Variants in GNA12 observed in about 807,000 individuals in gnomAD.
GNA12 encodes the protein guanine nucleotide-binding protein subunit alpha-12.
GNA12 carries 9 observed loss-of-function variants against 26.0 expected under a neutral mutation model. That is an observed-to-expected ratio of 0.35 (90% CI 0.21 to 0.60). The LOEUF is 0.60. Among genes scored for constraint, GNA12 ranks in the 20% least tolerant of loss-of-function variants. GNA12 has a pLI of 0.78. For missense variants in GNA12, 405 were observed against 525.8 expected (o/e 0.77, Z 2.25); for synonymous variants, 264 against 219.6 (o/e 1.20, Z -1.79).
chr7:2,740,758 T>C (rs17150393), intron 2 of GNA12, among the ~76,000 whole-genome samples: 3,905 of 152,220 alleles, frequency 0.026, 125 homozygotes, highest in Middle Eastern at 0.075. Context: ...AAACTACAGA[T>C]TTAGGGCTCG....
At chr7:2,835,663 G>C in intron 1 of GNA12, 1 of 957,750 alleles carries the variant, frequency 1.0e-6, no homozygotes, top group Non-Finnish European at 1.7e-6. Context: ...AGATGTCAAT[G>C]TTACTTTCGA....
intron 2 of GNA12, among the ~76,000 whole-genome samples, chr7:2,767,826 G>A (rs1012950472): frequency 3.3e-5 from 5 of 152,194 alleles, no homozygotes; most frequent in Non-Finnish European, 7.3e-5. Flanking sequence ...ATTTGTGTGT[G>A]TGAACAGTTG....
At position 2,731,828 on chromosome 7, in the gene GNA12, A is replaced by G. The variant is rs1789912054; in HGVS notation, c.577-78T>C. The G allele has an allele frequency of 2.7e-6, 2 of 753,054 alleles. No individual in the cohort carries two copies. The highest frequency in any genetic ancestry group is 4.0e-6 in the Non-Finnish European group (2 of 496,028). 46.6% of individuals were successfully genotyped at this position (753,054 alleles called of 1,614,324 possible). ...AAAATAGAAACAAAAAGATGGCAAA[A>G]AGATAAGAAGGAAAGAGACTGACTT... On this transcript the variant is annotated intron_variant, in intron 3 of 3. Transcript: ENST00000275364. This position sits in a 1 kb window ranked among gnomAD's most constrained non-coding sequence, Gnocchi z 6.0.
At chr7:2,843,768 G>T in intron 1 of GNA12, 85 bp downstream of exon 1, 3 of 635,350 alleles carry the variant, frequency 4.7e-6, no homozygotes, top group Non-Finnish European at 7.3e-6. Context: ...CCCCGCCCGC[G>T]GCGGCGGACC....
At chr7:2,769,663 G>A (rs7804264) in intron 2 of GNA12, among the ~76,000 whole-genome samples, 1 of 152,010 alleles carries the variant, frequency 6.6e-6, no homozygotes, top group Non-Finnish European at 1.5e-5. Flanking sequence ...AACCCGGGAG[G>A]TGGAGCTTGC....
At chr7:2,753,153 G>GT (rs1791119030) in intron 2 of GNA12, among the ~76,000 whole-genome samples, 1 of 146,818 alleles carries the variant, frequency 6.8e-6, no homozygotes, top group Non-Finnish European at 1.5e-5. Context: ...ACAGCATGCG[G>GT]CTTTTTTTTT....
At chr7:2,817,810 A>T (rs1388117428) in intron 1 of GNA12, among the ~76,000 whole-genome samples, 1 of 152,198 alleles carries the variant, frequency 6.6e-6, no homozygotes, top group Non-Finnish European at 1.5e-5. Context: ...AGTTATGACA[A>T]ATGTTGTCAT....
At chr7:2,777,247 C>T (rs1254498781) in intron 2 of GNA12, among the ~76,000 whole-genome samples, 1 of 152,142 alleles carries the variant, frequency 6.6e-6, no homozygotes, top group Non-Finnish European at 1.5e-5. Context: ...GGACTAGTAG[C>T]AGAGGGTAAC....
chr7:2,763,778 C>T (rs923990681), intron 2 of GNA12, among the ~76,000 whole-genome samples: 1 of 152,152 alleles, frequency 6.6e-6, no homozygotes, highest in Non-Finnish European at 1.5e-5. Flanking sequence ...CTTTTCCTGT[C>T]GCCTGGAACA....
chr7:2,780,054 A>ATGTGTG (rs1562424132), intron 2 of GNA12, among the ~76,000 whole-genome samples: 2 of 29,752 alleles, frequency 6.7e-5, no homozygotes, highest in Non-Finnish European at 1.5e-4. Flanking sequence ...CTGTGTACAT[A>ATGTGTG]TATATATATA....
intron 2 of GNA12, 73 bp from the exon 3 acceptor site, chr7:2,733,574 A>T (rs1790009709): frequency 3.4e-6 from 4 of 1,189,698 alleles, no homozygotes; most frequent in African/African-American, 1.5e-5. Flanking sequence ...CAAGAACTGA[A>T]CAGGGTAAGA....
intron 1 of GNA12, 104 bp from the exon 2 acceptor site, chr7:2,795,247 A>C (rs977350307): frequency 2.4e-6 from 2 of 830,506 alleles, no homozygotes; most frequent in Non-Finnish European, 4.0e-6. Flanking sequence ...CAGAAAACTC[A>C]CAAGCTCTGA....
chr7:2,742,074 T>C (rs563786324), intron 2 of GNA12, among the ~76,000 whole-genome samples: 14 of 152,020 alleles, frequency 9.2e-5, no homozygotes, highest in African/African-American at 3.4e-4. Flanking sequence ...CAGGCTAGAG[T>C]GCAGTGGGGC....
chr7:2,750,648 G>T (rs906146311), intron 2 of GNA12, among the ~76,000 whole-genome samples: 8 of 152,330 alleles, frequency 5.3e-5, no homozygotes, highest in South Asian at 4.1e-4. Flanking sequence ...TTTGGACCAC[G>T]GTTGACTGCG....
chr7:2,781,449 T>TGTGTGTGTGTG (rs397971357), intron 2 of GNA12, among the ~76,000 whole-genome samples: 1 of 144,954 alleles, frequency 6.9e-6, no homozygotes, highest in Non-Finnish European at 1.5e-5. Context: ...TGTGTGTGTG[T>TGTGTGTGTGTG]AGGGTACAAT....
chr7:2,791,690 C>G (rs1023031417), intron 2 of GNA12, among the ~76,000 whole-genome samples: 2 of 150,020 alleles, frequency 1.3e-5, no homozygotes, highest in African/African-American at 4.9e-5. Flanking sequence ...CTTTGACACT[C>G]AGGAAAAGAT....
At chr7:2,819,445 A>T (rs896512807) in intron 1 of GNA12, among the ~76,000 whole-genome samples, 1 of 152,232 alleles carries the variant, frequency 6.6e-6, no homozygotes, top group African/African-American at 2.4e-5. Flanking sequence ...AGCCTGTGGT[A>T]ATTTGTTACA....
intron 1 of GNA12, among the ~76,000 whole-genome samples, chr7:2,799,799 G>C (rs981534787): frequency 6.6e-6 from 1 of 152,082 alleles, no homozygotes; most frequent in Admixed American, 6.6e-5. Flanking sequence ...AAAGCAGATC[G>C]AGACCTCAGT....
rs1028985239 is a variant in GNA12 at position 2,738,776 on chromosome 7, T to C, written c.526-5275A>G. Among the ~76,000 whole-genome samples, 12 of 152,016 alleles carry C rather than the reference T, an allele frequency of 7.9e-5. No homozygotes were observed. In the East Asian group the frequency reaches 1.2e-3, roughly 15 times the overall value. On this transcript the variant is annotated intron_variant, in intron 2 of 3. Transcript: ENST00000275364. ...CCCAAATTAAAGCAAATGAACCCAA[T>C]AGGACAATAAGGTTAGAGGCGGAAC...
Sources: allele counts gnomAD v4.1 joint callset (sites outside exome capture counted in the v4.1 genomes callset), GRCh38; gene constraint gnomAD v4.1.1; non-coding constraint Gnocchi (gnomAD v3.1); transcripts MANE v1.5; gene names NCBI Gene and HGNC (gene_info 2026-07-23, HGNC 2026-07-21).